CADM2: variants seen among roughly 807,000 people sequenced by gnomAD.
CADM2 encodes immunoglobulin superfamily member 4D.
CADM2 carries 12 observed loss-of-function variants against 49.8 expected under a neutral mutation model. That is an observed-to-expected ratio of 0.24 (90% CI 0.15 to 0.39). The LOEUF (loss-of-function observed/expected upper bound fraction) is 0.39. CADM2 is among the 10% of genes least tolerant of loss of function. CADM2 has a pLI of 1.00. For missense variants in CADM2, 378 were observed against 492.3 expected, an observed-to-expected ratio of 0.77 and a Z score of 2.20; for synonymous variants, 214 against 175.4, an observed-to-expected ratio of 1.22 and a Z score of -1.74.
intron 1 of CADM2, among the ~76,000 whole-genome samples, chr3:85,531,133 A>G (rs2061300837): frequency 6.6e-6 from 1 of 152,180 alleles, no homozygotes; most frequent in African/African-American, 2.4e-5. Flanking sequence ...CCTTCTACTA[A>G]AATCATAAAT....
intron 1 of CADM2, among the ~76,000 whole-genome samples, chr3:85,238,906 C>A (rs1009046621): frequency 2.0e-5 from 3 of 150,498 alleles, no homozygotes; most frequent in African/African-American, 7.3e-5. Flanking sequence ...TTTTTTTATT[C>A]AAGGGATACA....
chr3:85,481,820 T>TG (rs1438279142), intron 1 of CADM2, among the ~76,000 whole-genome samples: 1 of 151,768 alleles, frequency 6.6e-6, no homozygotes, highest in East Asian at 1.9e-4. Flanking sequence ...TTGGTTTTTT[T>TG]TTTTTCCTTT....
chr3:85,863,842 G>A (rs1010645181), intron 3 of CADM2, among the ~76,000 whole-genome samples: 22 of 152,192 alleles, frequency 1.4e-4, no homozygotes, highest in Non-Finnish European at 2.9e-4. Flanking sequence ...AAGAGGACTT[G>A]TGAGGCTTGA....
At chr3:85,982,126 T>C (rs1195321635) in intron 8 of CADM2, among the ~76,000 whole-genome samples, 1 of 151,756 alleles carries the variant, frequency 6.6e-6, no homozygotes, top group Non-Finnish European at 1.5e-5. Flanking sequence ...CATTTTTTCA[T>C]ATGCTTGTTA....
intron 1 of CADM2, among the ~76,000 whole-genome samples, chr3:85,218,157 T>TA (rs1163214691): frequency 1.3e-5 from 2 of 152,014 alleles, no homozygotes; most frequent in South Asian, 2.1e-4. Context: ...AGTCTTTTTT[T>TA]AAAAAAAATT....
chr3:85,186,139 C>T (rs562529618), intron 1 of CADM2, among the ~76,000 whole-genome samples: 77 of 152,194 alleles, frequency 5.1e-4, no homozygotes, highest in African/African-American at 1.6e-3. Context: ...TAAACTAGAA[C>T]GGAGACAACA....
intron 1 of CADM2, among the ~76,000 whole-genome samples, chr3:85,676,394 T>TAG (rs1372553477): frequency 6.6e-6 from 1 of 152,186 alleles, no homozygotes; most frequent in East Asian, 1.9e-4. Context: ...AAGCTCTCCC[T>TAG]AGAGACCCAT....
At chr3:85,602,962 CTA>C (rs1292270696) in intron 1 of CADM2, among the ~76,000 whole-genome samples, 6 of 151,606 alleles carry the variant, frequency 4.0e-5, no homozygotes. Context: ...GGTGGTTTTT[CTA>C]TGTTAGTACT....
chr3:85,332,594 C>T (rs2044960159), intron 1 of CADM2, among the ~76,000 whole-genome samples: 1 of 151,848 alleles, frequency 6.6e-6, no homozygotes, highest in Non-Finnish European at 1.5e-5. Flanking sequence ...TATATTTTCA[C>T]TTTTGTATTA....
chr3:85,084,978 G>T (rs2037315164), intron 1 of CADM2, among the ~76,000 whole-genome samples: 2 of 152,040 alleles, frequency 1.3e-5, no homozygotes, highest in South Asian at 2.1e-4. Flanking sequence ...GTTATGTTAG[G>T]CAGCATAATG....
intron 1 of CADM2, among the ~76,000 whole-genome samples, chr3:85,374,442 T>C (rs999903301): frequency 1.3e-5 from 2 of 152,164 alleles, no homozygotes; most frequent in African/African-American, 4.8e-5. Context: ...TGCTCCAAAC[T>C]TTCCCTTGTC....
At chr3:85,243,583 G>A (rs937176469) in intron 1 of CADM2, among the ~76,000 whole-genome samples, 1 of 152,144 alleles carries the variant, frequency 6.6e-6, no homozygotes, top group Middle Eastern at 3.4e-3. Flanking sequence ...AATTTTGCAT[G>A]CATTATCTCA....
intron 1 of CADM2, among the ~76,000 whole-genome samples, chr3:85,666,510 A>G (rs991386431): frequency 6.6e-6 from 1 of 152,052 alleles, no homozygotes; most frequent in South Asian, 2.1e-4. Flanking sequence ...AAAACACACA[A>G]AAAAATATTT....
At chr3:85,342,623 G>A (rs2030005545) in intron 1 of CADM2, among the ~76,000 whole-genome samples, 1 of 148,988 alleles carries the variant, frequency 6.7e-6, no homozygotes, top group Non-Finnish European at 1.5e-5. Context: ...AAGGAGAGAA[G>A]GGTATTGGAT....
chr3:85,561,155 T>G (rs1559910778), intron 1 of CADM2, among the ~76,000 whole-genome samples: 1 of 152,200 alleles, frequency 6.6e-6, no homozygotes, highest in African/African-American at 2.4e-5. Context: ...CAATATTATG[T>G]TTTTTATATT....
chr3:85,131,037 C>A (rs1319423249), intron 1 of CADM2, among the ~76,000 whole-genome samples: 1 of 151,992 alleles, frequency 6.6e-6, no homozygotes, highest in East Asian at 1.9e-4. Flanking sequence ...ACAAAATTAG[C>A]CGGGCGTGGC....
At chr3:85,676,473 T>C (rs1412045766) in intron 1 of CADM2, among the ~76,000 whole-genome samples, 1 of 152,202 alleles carries the variant, frequency 6.6e-6, no homozygotes, top group East Asian at 1.9e-4. Flanking sequence ...TTCCTTAATG[T>C]ATCTTAACTT....
At chr3:85,290,025 G>A (rs1300950738) in intron 1 of CADM2, among the ~76,000 whole-genome samples, 1 of 152,182 alleles carries the variant, frequency 6.6e-6, no homozygotes, top group Non-Finnish European at 1.5e-5. Flanking sequence ...TTCCATCTGA[G>A]GTACTGGTTT....
intron 1 of CADM2, among the ~76,000 whole-genome samples, chr3:85,374,110 C>A (rs2033445813): frequency 6.6e-6 from 1 of 152,018 alleles, no homozygotes; most frequent in Non-Finnish European, 1.5e-5. Flanking sequence ...GGCTGCAAAT[C>A]TTCCAAAGTT....
Sources: gnomAD v4.1 joint callset for allele counts (sites outside exome capture counted in the v4.1 genomes callset) on GRCh38, gnomAD v4.1.1 for gene constraint, MANE v1.5 for transcripts, NCBI Gene and HGNC (gene_info 2026-07-23, HGNC 2026-07-21) for gene names.